Variants in KAZN observed in about 807,000 individuals in gnomAD.
The protein encoded by KAZN is kazrin.
Under a neutral mutation model 87.4 loss-of-function variants are expected in KAZN, and 40 were observed. That is an observed-to-expected ratio of 0.46 (90% CI 0.36 to 0.60). The LOEUF (loss-of-function observed/expected upper bound fraction) is 0.60, where lower values mean the gene tolerates loss of function less well. KAZN is among the 20% of genes least tolerant of loss of function. The pLI, the probability that KAZN is intolerant of heterozygous loss-of-function variation, is 0.00. For synonymous variants in KAZN, 466 were observed against 458.3 expected, an observed-to-expected ratio of 1.02 and a Z score of -0.22; for missense variants, 898 against 1,073.9, an observed-to-expected ratio of 0.84 and a Z score of 2.29.
At chr1:15,041,957 AT>A (rs557857894) in intron 3 of KAZN, among the ~76,000 whole-genome samples, 159 of 152,270 alleles carry the variant, frequency 1.0e-3, no homozygotes, top group African/African-American at 3.6e-3. Flanking sequence ...TGGTTGTGAG[AT>A]TTAAATAATG....
At position 14,996,257 on chromosome 1, in the gene KAZN, C is replaced by T. The variant is rs1667853007; in HGVS notation, c.418+35382C>T. On this transcript the variant is annotated intron_variant, in intron 2 of 14. Transcript: ENST00000376030. This position sits in a 1 kb window ranked among gnomAD's most constrained non-coding sequence, Gnocchi z 5.9. ...TGGGTCGGCCTTTCTCTTTCTTGTT[C>T]CCGTGTGTCTCTGTCCACCCAGACC... Among the ~76,000 whole-genome samples, 1 of 152,152 alleles carries T rather than the reference C, an allele frequency of 6.6e-6. No individual in the cohort carries two copies. Among genetic ancestry groups the T allele is most frequent in the Non-Finnish European group, 1.5e-5 (1 of 68,042 alleles).
chr1:14,022,641 C>G (rs1289785206), intron 1 of KAZN, among the ~76,000 whole-genome samples: 1 of 151,668 alleles, frequency 6.6e-6, no homozygotes. Flanking sequence ...ATTTGAAGAC[C>G]AAAGACCTTG....
intron 1 of KAZN, among the ~76,000 whole-genome samples, chr1:14,083,159 A>C (rs1215851671): frequency 6.6e-6 from 1 of 152,156 alleles, no homozygotes; most frequent in Admixed American, 6.5e-5. Context: ...AATTGTCCTC[A>C]CCCATCCCTG....
chr1:14,978,390 C>T lies in KAZN; in HGVS notation c.418+17515C>T, dbSNP rs112039276. On this transcript the variant is annotated intron_variant, in intron 2 of 14. Coordinates refer to ENST00000376030, the MANE Select transcript of KAZN (RefSeq NM_201628.3). ...GAGCATCTGGATTGTCAAAAGCATCCGGCAGCTTGAGGGATGTGATGGTGG... is the reference window on the plus strand; with the variant it reads ...GAGCATCTGGATTGTCAAAAGCATCTGGCAGCTTGAGGGATGTGATGGTGG... Among the ~76,000 whole-genome samples, 913 of 151,894 alleles carry T rather than the reference C, an allele frequency of 6.0e-3. 7 individuals are homozygous for T. Among genetic ancestry groups the T allele is most frequent in the South Asian group, 0.012 (58 of 4,820 alleles).
chr1:14,259,188 T>C (rs896817097), intron 2 of KAZN, among the ~76,000 whole-genome samples: 1 of 152,036 alleles, frequency 6.6e-6, no homozygotes, highest in African/African-American at 2.4e-5. Context: ...CCCTCCTGGC[T>C]CCGCACTTGG....
At chr1:14,111,898 C>T (rs1412147227) in intron 1 of KAZN, among the ~76,000 whole-genome samples, 1 of 152,066 alleles carries the variant, frequency 6.6e-6, no homozygotes, top group Non-Finnish European at 1.5e-5. Context: ...CACCACCACG[C>T]CCGGCTAATT....
chr1:14,881,981 C>G (rs1483590616), intron 1 of KAZN, among the ~76,000 whole-genome samples: 1 of 152,180 alleles, frequency 6.6e-6, no homozygotes, highest in Non-Finnish European at 1.5e-5. Context: ...TCTAAGCTGC[C>G]TCTGAAGCTG....
intron 2 of KAZN, among the ~76,000 whole-genome samples, chr1:14,552,018 T>C (rs1263594787): frequency 6.6e-6 from 1 of 152,162 alleles, no homozygotes; most frequent in Non-Finnish European, 1.5e-5. Context: ...TTTTTCTTAA[T>C]GCTATCAATA....
chr1:14,517,922 A>T (rs1164206448), intron 2 of KAZN, among the ~76,000 whole-genome samples: 1 of 152,212 alleles, frequency 6.6e-6, no homozygotes, highest in African/African-American at 2.4e-5. Context: ...GCCCCTGGGA[A>T]CAATGAGAAG....
At chr1:14,725,930 C>A (rs886958826) in intron 1 of KAZN, among the ~76,000 whole-genome samples, 2 of 152,180 alleles carry the variant, frequency 1.3e-5, no homozygotes, top group African/African-American at 2.4e-5. Context: ...GGGAGGGAAG[C>A]GGATGGGCTC....
Position 14,618,684 on chromosome 1 carries a change from G to A in KAZN, c.226+19461G>A, listed in dbSNP as rs151014681. On this transcript the variant is annotated intron_variant, in intron 1 of 14. Coordinates refer to ENST00000376030, the MANE Select transcript of KAZN (RefSeq NM_201628.3). ...ATATGACCACACTGTGGGTATAGTT[G>A]ACATTTGAACTCTGGCCCACTGACC... Among the ~76,000 whole-genome samples, 828 of 152,316 alleles carry A rather than the reference G, an allele frequency of 5.4e-3. 16 individuals carry two copies. The highest frequency in any genetic ancestry group is 0.019 in the African/African-American group (782 of 41,566).
chr1:13,949,643 C>G (rs1209114989), intron 1 of KAZN, among the ~76,000 whole-genome samples: 1 of 152,136 alleles, frequency 6.6e-6, no homozygotes, highest in Non-Finnish European at 1.5e-5. Flanking sequence ...CTTAGCACTC[C>G]TTGAACTTCA....
chr1:14,153,931 G>A (rs534807007), intron 1 of KAZN, among the ~76,000 whole-genome samples: 1 of 152,182 alleles, frequency 6.6e-6, no homozygotes, highest in South Asian at 2.1e-4. Context: ...TTAAAGTCAG[G>A]TAATGTTATT....
At chr1:14,457,618 T>C (rs554365472) in intron 2 of KAZN, among the ~76,000 whole-genome samples, 1 of 152,286 alleles carries the variant, frequency 6.6e-6, no homozygotes, top group South Asian at 2.1e-4. Context: ...TTCAAGTAAG[T>C]TATCAAGTTC....
chr1:14,934,820 C>T (rs577760331), intron 1 of KAZN, among the ~76,000 whole-genome samples: 1 of 152,358 alleles, frequency 6.6e-6, no homozygotes, highest in South Asian at 2.1e-4. Context: ...CCCCCTCCAT[C>T]TCTCCTTTCA....
chr1:14,574,476 A>C (rs1571963851), intron 2 of KAZN, among the ~76,000 whole-genome samples: 3 of 152,250 alleles, frequency 2.0e-5, no homozygotes, highest in Admixed American at 2.0e-4. Flanking sequence ...TAAGTCTCAC[A>C]AGATCTGATG....
At chr1:13,978,129 C>CAAAAAAAAAAA (rs35828417) in intron 1 of KAZN, among the ~76,000 whole-genome samples, 1 of 82,122 alleles carries the variant, frequency 1.2e-5, no homozygotes, top group Non-Finnish European at 2.2e-5. Context: ...CTCCATCTCA[C>CAAAAAAAAAAA]AAAAAAAAAA....
At chr1:14,020,037 G>A (rs1205806199) in intron 1 of KAZN, among the ~76,000 whole-genome samples, 2 of 151,826 alleles carry the variant, frequency 1.3e-5, no homozygotes, top group Non-Finnish European at 2.9e-5. Flanking sequence ...TCCCATCTGG[G>A]GGTGATGGGA....
At chr1:14,817,476 T>C (rs777064094) in intron 1 of KAZN, among the ~76,000 whole-genome samples, 1 of 152,164 alleles carries the variant, frequency 6.6e-6, no homozygotes, top group Non-Finnish European at 1.5e-5. Context: ...AACCACAAGA[T>C]AGCGTGATAT....
Sources: allele counts gnomAD v4.1 joint callset (sites outside exome capture counted in the v4.1 genomes callset), GRCh38; gene constraint gnomAD v4.1.1; non-coding constraint Gnocchi (gnomAD v3.1); transcripts MANE v1.5; gene names NCBI Gene and HGNC (gene_info 2026-07-23, HGNC 2026-07-21).